The following UBE2QL1 variants were observed in gnomAD, a reference collection of about 807,000 sequenced individuals.
UBE2QL1 encodes ubiquitin-conjugating enzyme E2Q-like protein 1.
UBE2QL1 carries 5 observed loss-of-function variants against 12.6 expected under a neutral mutation model. The observed-to-expected ratio is 0.40, with a 90% CI of 0.21 to 0.83. The LOEUF (loss-of-function observed/expected upper bound fraction) is 0.83. UBE2QL1 is among the 40% of genes least tolerant of loss of function. The pLI is 0.37. For missense variants in UBE2QL1, 99 were observed against 222.6 expected, an observed-to-expected ratio of 0.44 and a Z score of 3.53; for synonymous variants, 96 against 94.5, an observed-to-expected ratio of 1.02 and a Z score of -0.10.
intron 1 of UBE2QL1, among the ~76,000 whole-genome samples, chr5:6,453,586 C>G (rs190286133): frequency 4.0e-4 from 61 of 152,314 alleles, no homozygotes; most frequent in African/African-American, 1.4e-3. Context: ...TGTAAGGAAA[C>G]AGTAAAGGGC....
At chr5:6,471,048 G>A (rs1739903245) in intron 1 of UBE2QL1, among the ~76,000 whole-genome samples, 1 of 152,164 alleles carries the variant, frequency 6.6e-6, no homozygotes, top group Non-Finnish European at 1.5e-5. Context: ...TTTTATTCAG[G>A]TGTAGCATCT....
chr5:6,474,206 C>T (rs1015307615), intron 1 of UBE2QL1, among the ~76,000 whole-genome samples: 6 of 152,238 alleles, frequency 3.9e-5, no homozygotes, highest in African/African-American at 1.4e-4. Context: ...AGTGTACAGC[C>T]TGAGGGCTGG....
intron 1 of UBE2QL1, among the ~76,000 whole-genome samples, chr5:6,473,662 G>A (rs1417779348): frequency 6.6e-6 from 1 of 152,234 alleles, no homozygotes; most frequent in Admixed American, 6.5e-5. Context: ...AAATAATGAG[G>A]TCAACAGAAA....
intron 1 of UBE2QL1, among the ~76,000 whole-genome samples, chr5:6,487,607 C>T (rs1169243772): frequency 1.3e-5 from 2 of 152,046 alleles, no homozygotes; most frequent in Non-Finnish European, 2.9e-5. Context: ...ATATCTCAGA[C>T]TAGATTCTTT....
chr5:6,465,739 A>G (rs1325346996), intron 1 of UBE2QL1, among the ~76,000 whole-genome samples: 2 of 152,178 alleles, frequency 1.3e-5, no homozygotes, highest in Admixed American at 6.5e-5. Flanking sequence ...CTGCGTGGGA[A>G]TCGCTGCTGG....
chr5:6,494,615 A>G lies in UBE2QL1; in HGVS notation c.*3266A>G, dbSNP rs945836953. On this transcript the variant is annotated 3_prime_UTR_variant, in exon 2 of 2. Transcript: ENST00000399816. ...AGCAGAAGTGCTTTGGAGACTAAAG[A>G]TTGTCAACGAAATGTAAGTGTCATT... The G allele has an allele frequency of 6.6e-6, 1 of 152,194 alleles. No homozygotes were observed. The highest frequency in any genetic ancestry group is 2.4e-5 in the African/African-American group (1 of 41,448). 9.4% of individuals were successfully genotyped at this position (152,194 alleles called of 1,614,324 possible).
At position 6,491,312 on chromosome 5, in the gene UBE2QL1, A is replaced by T; in HGVS notation, c.449A>T (p.Lys150Ile). The T allele has an allele frequency of 6.4e-7, 1 of 1,551,394 alleles. No individual in the cohort carries two copies. ...AAGAGTTTGGTGAAGACGCATGAAA[A>T]ATATGGTTGGGTCACCCCGCCCGTG... ...TFKSLVKTHE[K>I]YGWVTPPVSD... Residue 150 changes from lysine (K) to isoleucine (I), a missense_variant, in exon 2 of 2, where the codon AAA becomes ATA. Physicochemically the swap from Lys to Ile is moderately radical, Grantham distance 102. Coordinates refer to ENST00000399816, the MANE Select transcript of UBE2QL1 (RefSeq NM_001145161.3).
chr5:6,464,505 C>T (rs1739742967), intron 1 of UBE2QL1, among the ~76,000 whole-genome samples: 1 of 152,196 alleles, frequency 6.6e-6, no homozygotes, highest in African/African-American at 2.4e-5. Context: ...TAGCTGATTT[C>T]CCTGCCTTGT....
Position 6,481,331 on chromosome 5 carries a change from C to T in UBE2QL1, c.355-9887C>T, listed in dbSNP as rs1282222499. On this transcript the variant is annotated intron_variant, in intron 1 of 1. Coordinates refer to ENST00000399816, the MANE Select transcript of UBE2QL1 (RefSeq NM_001145161.3). This position sits in a 1 kb window ranked among gnomAD's most constrained non-coding sequence, Gnocchi z 4.5. ...TGGCATGGTGGCCCACCACCTCCAT[C>T]CCATCTCGCCTTGCACGCCAGGTGC... is the stretch of plus-strand genomic sequence containing the variant. 6.6e-6 allele frequency among the ~76,000 whole-genome samples: 1 copy of T among 152,244 alleles called. No homozygotes were observed. The highest frequency in any genetic ancestry group is 1.9e-4 in the East Asian group (1 of 5,186).
At chr5:6,482,196 G>A (rs565589754) in intron 1 of UBE2QL1, among the ~76,000 whole-genome samples, 10 of 152,308 alleles carry the variant, frequency 6.6e-5, no homozygotes, top group South Asian at 4.1e-4. Flanking sequence ...GCCCCTGAGC[G>A]CTGGAACAGA....
intron 1 of UBE2QL1, among the ~76,000 whole-genome samples, chr5:6,461,423 C>T (rs182827105): frequency 3.3e-5 from 5 of 152,096 alleles, no homozygotes; most frequent in African/African-American, 7.2e-5. Context: ...AGGATTTCTA[C>T]GCTGTTTTTA....
chr5:6,454,900 A>G (rs577335453), intron 1 of UBE2QL1, among the ~76,000 whole-genome samples: 1 of 152,208 alleles, frequency 6.6e-6, no homozygotes, highest in South Asian at 2.1e-4. Context: ...TGGACTGTTC[A>G]GAGGAAAAAA....
intron 1 of UBE2QL1, among the ~76,000 whole-genome samples, chr5:6,467,658 G>T (rs927842313): frequency 1.1e-3 from 8 of 7,254 alleles, no homozygotes; most frequent in African/African-American, 1.2e-3. Context: ...TTCCAAGCAC[G>T]TATGAGTTTG....
At chr5:6,453,047 T>C (rs371062265) in intron 1 of UBE2QL1, among the ~76,000 whole-genome samples, 2 of 152,318 alleles carry the variant, frequency 1.3e-5, no homozygotes, top group Admixed American at 6.5e-5. Context: ...CAATTCGGCA[T>C]GCACACAGTG....
rs1030955557 is a variant in UBE2QL1, at chr5:6,491,515, G to A, written c.*166G>A. On this transcript the variant is annotated 3_prime_UTR_variant, in exon 2 of 2. Coordinates refer to ENST00000399816, the MANE Select transcript of UBE2QL1 (RefSeq NM_001145161.3). Reference sequence around the variant, plus strand: ...ATTTATGAAAAGATGTGTGTACAGAGAGGAAGAGGGAGCAAATGCCGTTCG... The same window carrying A: ...ATTTATGAAAAGATGTGTGTACAGAAAGGAAGAGGGAGCAAATGCCGTTCG... 2 of 865,224 alleles carry A rather than the reference G, an allele frequency of 2.3e-6. No individual in the cohort carries two copies. The highest frequency in any genetic ancestry group is 3.3e-6 in the Non-Finnish European group (2 of 614,216). The allele number at this position is 865,224 out of a possible 1,614,324, so 53.6% of individuals were successfully genotyped here.
chr5:6,458,975 C>A (rs1362600554), intron 1 of UBE2QL1, among the ~76,000 whole-genome samples: 1 of 147,786 alleles, frequency 6.8e-6, no homozygotes, highest in Non-Finnish European at 1.5e-5. Flanking sequence ...TGGGAGCCTT[C>A]CTCCTCCAGG....
intron 1 of UBE2QL1, among the ~76,000 whole-genome samples, chr5:6,483,769 G>A (rs575482983): frequency 2.6e-5 from 4 of 152,168 alleles, no homozygotes; most frequent in Non-Finnish European, 5.9e-5. Context: ...CTAAAGCCAC[G>A]CCAAGGGCTG....
Position 6,479,660 on chromosome 5 carries a change from G to T in UBE2QL1, c.355-11558G>T, listed in dbSNP as rs949162655. Among the ~76,000 whole-genome samples, 1 of 152,194 alleles carries T rather than the reference G, an allele frequency of 6.6e-6. No individual in the cohort carries two copies. The highest frequency in any genetic ancestry group is 1.9e-4 in the East Asian group (1 of 5,198). On this transcript the variant is annotated intron_variant, in intron 1 of 1. Coordinates refer to ENST00000399816, the MANE Select transcript of UBE2QL1 (RefSeq NM_001145161.3). The surrounding 1 kb of genome is among the most constrained non-coding windows in gnomAD (Gnocchi z 4.2). ...ATCTCACAAGGAGAAAACACAGACC[G>T]GGGGTCTCCTTTGTGCTGAGTAAGT... is the stretch of plus-strand genomic sequence containing the variant.
chr5:6,482,987 G>A (rs766196317), intron 1 of UBE2QL1, among the ~76,000 whole-genome samples: 27 of 152,164 alleles, frequency 1.8e-4, no homozygotes, highest in Admixed American at 6.5e-5. Flanking sequence ...CCGTGGTTGC[G>A]CACCACCCAC....
Sources: gnomAD v4.1 joint callset for allele counts (sites outside exome capture counted in the v4.1 genomes callset) on GRCh38, gnomAD v4.1.1 for gene constraint, Gnocchi (gnomAD v3.1) non-coding constraint, MANE v1.5 for transcripts, NCBI Gene and HGNC (gene_info 2026-07-23, HGNC 2026-07-21) for gene names.